The following HIP1 variants were observed in gnomAD, a reference collection of about 807,000 sequenced individuals.
The protein encoded by HIP1 is huntingtin interacting protein 1, also known as huntingtin-interacting protein 1.
A neutral mutation model predicts 147.6 loss-of-function variants in HIP1; 65 were observed. The ratio of observed to expected loss-of-function variants is 0.44; its 90% CI spans 0.36 to 0.54. The LOEUF is 0.54. Among genes scored for constraint, HIP1 ranks in the 20% least tolerant of loss-of-function variants. The probability of loss-of-function intolerance (pLI) is 0.00; values close to 1 mark genes in which losing one functional copy is unlikely to be tolerated. For missense variants in HIP1, 1,061 were observed against 1,299.6 expected (o/e 0.82, Z 2.82); for synonymous variants, 479 against 504.0 (o/e 0.95, Z 0.67).
intron 7 of HIP1, 93 bp from the exon 8 acceptor site, chr7:75,573,994 A>G (rs1795743150): frequency 2.7e-6 from 3 of 1,093,322 alleles, no homozygotes; most frequent in South Asian, 1.4e-5. Flanking sequence ...AACATACACC[A>G]AGGACCGATT....
At chr7:75,708,992 T>C (rs1339316055) in intron 1 of HIP1, among the ~76,000 whole-genome samples, 1 of 152,048 alleles carries the variant, frequency 6.6e-6, no homozygotes, top group Non-Finnish European at 1.5e-5. Context: ...ACATGGGATG[T>C]GTTTCCTTTT....
intron 2 of HIP1, among the ~76,000 whole-genome samples, chr7:75,593,658 T>C (rs1342898552): frequency 1.4e-5 from 2 of 142,364 alleles, no homozygotes; most frequent in Admixed American, 1.4e-4. Context: ...AAAGTGAGAG[T>C]GTGCTTCTGC....
At chr7:75,550,893 T>C (rs926250316) in intron 22 of HIP1, among the ~76,000 whole-genome samples, 3 of 152,138 alleles carry the variant, frequency 2.0e-5, no homozygotes, top group Non-Finnish European at 2.9e-5. Context: ...ATGTATATAC[T>C]CTAGAGAAAC....
intron 9 of HIP1, among the ~76,000 whole-genome samples, chr7:75,567,099 G>A (rs1350453907): frequency 6.6e-6 from 1 of 150,700 alleles, no homozygotes; most frequent in Non-Finnish European, 1.5e-5. Context: ...GTGACAGAGC[G>A]AGACTCTGTC....
intron 8 of HIP1, among the ~76,000 whole-genome samples, chr7:75,570,840 C>G (rs1410689618): frequency 6.6e-6 from 1 of 151,700 alleles, no homozygotes; most frequent in Admixed American, 6.6e-5. Flanking sequence ...AACCCTGTCT[C>G]TACTAAAAAC....
intron 1 of HIP1, chr7:75,611,547 G>A (rs1049352626): frequency 3.8e-5 from 12 of 316,888 alleles, no homozygotes; most frequent in Non-Finnish European, 5.7e-5. Context: ...TTCCCCTCCC[G>A]GCCCCAGGCT....
chr7:75,570,240 G>A (rs782177369), intron 8 of HIP1, among the ~76,000 whole-genome samples: 151 of 143,310 alleles, frequency 1.1e-3, no homozygotes, highest in Non-Finnish European at 1.5e-3. Context: ...CCTTAAGTAC[G>A]AACTTTAATT....
chr7:75,563,517 A>G, intron 9 of HIP1: 1 of 504,742 alleles, frequency 2.0e-6, no homozygotes, highest in Non-Finnish European at 3.5e-6. Context: ...TCAAAAAGCT[A>G]ATTTCTTCAT....
intron 1 of HIP1, among the ~76,000 whole-genome samples, chr7:75,677,327 C>T (rs1799927851): frequency 6.6e-6 from 1 of 151,338 alleles, no homozygotes. Flanking sequence ...GCCTTTCAGC[C>T]AGGCGTGGTG....
At chr7:75,660,018 C>A (rs1401986197) in intron 1 of HIP1, among the ~76,000 whole-genome samples, 1 of 150,448 alleles carries the variant, frequency 6.6e-6, no homozygotes, top group Non-Finnish European at 1.5e-5. Context: ...CCCAGCTACT[C>A]GGGAGGCTGA....
In HIP1 at chr7:75,553,886, C is replaced by G. The variant is rs587670270; in HGVS notation, c.2158+227G>C. Among the ~76,000 whole-genome samples, 574 of 152,122 alleles carry G rather than the reference C, an allele frequency of 3.8e-3. 4 individuals carry two copies. The highest frequency in any genetic ancestry group is 5.0e-3 in the Non-Finnish European group (341 of 68,006). Reference sequence around the variant, plus strand: ...CCCAAAGTGTTACGGCGATTACAGGCGTGAACCATTGCATCTGGCCCATCG... The same window carrying G: ...CCCAAAGTGTTACGGCGATTACAGGGGTGAACCATTGCATCTGGCCCATCG... On this transcript the variant is annotated intron_variant, in intron 21 of 30. Transcript: ENST00000336926.
At chr7:75,621,275 G>A (rs782687515) in intron 1 of HIP1, among the ~76,000 whole-genome samples, 2 of 151,918 alleles carry the variant, frequency 1.3e-5, no homozygotes, top group Admixed American at 6.6e-5. Flanking sequence ...AGGCACACGA[G>A]CAGAAGCCCA....
chr7:75,544,351 T>A (rs1794452110), intron 27 of HIP1, among the ~76,000 whole-genome samples: 1 of 151,836 alleles, frequency 6.6e-6, no homozygotes, highest in South Asian at 2.1e-4. Context: ...TCCTAAGTAG[T>A]CTCTAACCTA....
chr7:75,546,942 G>A lies in HIP1; in HGVS notation c.2556C>T (p.Gly852=). The part of the protein sequence containing the change: ...KDLQREIVES[G]RGTASPKEFY... The stretch of plus-strand genomic sequence containing the variant: ...CAGGGCCCACACCCACGCTCACCCT[G>A]CCGCTCTCCACAATCTCTCTCTGGA... Residue 852 remains glycine, a synonymous_variant, in exon 25 of 31, where the codon GGC becomes GGT. Transcript: ENST00000336926. 3 of 1,565,776 alleles carry A rather than the reference G, an allele frequency of 1.9e-6. No homozygotes were observed. The highest frequency in any genetic ancestry group is 2.6e-6 in the Non-Finnish European group (3 of 1,153,748).
intron 1 of HIP1, among the ~76,000 whole-genome samples, chr7:75,636,337 C>T (rs903586537): frequency 1.0e-4 from 15 of 148,318 alleles, no homozygotes; most frequent in Non-Finnish European, 1.8e-4. Flanking sequence ...AGTGACACAG[C>T]GAGACTCTGT....
chr7:75,689,607 A>G (rs572068747), intron 1 of HIP1, among the ~76,000 whole-genome samples: 146 of 152,342 alleles, frequency 9.6e-4, no homozygotes, highest in African/African-American at 3.0e-3. Flanking sequence ...CATTATATGC[A>G]TATATAAATA....
At chr7:75,547,093 G>A (rs1324076145) in intron 24 of HIP1, 61 bp from the exon 25 acceptor site, 22 of 1,354,900 alleles carry the variant, frequency 1.6e-5, no homozygotes, top group South Asian at 1.5e-4. Context: ...TGAACACGAC[G>A]GTTCTCTTCC....
In HIP1 at chr7:75,678,360, T is replaced by TTTTC. The variant is rs71098061; in HGVS notation, c.120+60440_120+60441insGAAA. On this transcript the variant is annotated intron_variant, in intron 1 of 30. Transcript: ENST00000336926. ...TTATTCTTTTTTTTTTTTTTTTTTTTTGAGACAGCATCTCACTCTGTCACC... is the reference window on the plus strand; with the variant it reads ...TTATTCTTTTTTTTTTTTTTTTTTTTTTTCTGAGACAGCATCTCACTCTGTCACC... Among the ~76,000 whole-genome samples, 20 of 127,564 alleles carry TTTTC rather than the reference T, an allele frequency of 1.6e-4. 1 individual carries two copies. The highest frequency in any genetic ancestry group is 3.0e-4 in the African/African-American group (10 of 32,990). The allele number at this position is 127,564 out of a possible 152,430, so 83.7% of individuals were successfully genotyped here.
At chr7:75,621,569 T>C (rs1301499604) in intron 1 of HIP1, among the ~76,000 whole-genome samples, 3 of 152,140 alleles carry the variant, frequency 2.0e-5, no homozygotes, top group Non-Finnish European at 4.4e-5. Flanking sequence ...TGGAAGGTTT[T>C]GAGCAAAGCG....
Sources: allele counts gnomAD v4.1 joint callset (sites outside exome capture counted in the v4.1 genomes callset), GRCh38; gene constraint gnomAD v4.1.1; transcripts MANE v1.5; gene names NCBI Gene and HGNC (gene_info 2026-07-23, HGNC 2026-07-21).